The following ELP4 variants were observed in gnomAD, a reference collection of about 807,000 sequenced individuals.
ELP4 encodes the protein elongator complex protein 4.
A neutral mutation model predicts 48.9 loss-of-function variants in ELP4; 51 were observed. The observed-to-expected ratio is 1.04, with a 90% confidence interval of 0.83 to 1.32. ELP4 has a LOEUF of 1.32. ELP4 is among the 40% of genes most tolerant of loss of function. The pLI, the probability that ELP4 is intolerant of heterozygous loss-of-function variation, is 0.00. For missense variants in ELP4, 519 were observed against 514.6 expected (o/e 1.01, Z -0.08); for synonymous variants, 210 against 189.2 (o/e 1.11, Z -0.90).
chr11:31,734,160 A>G (rs1049211488), intron 9 of ELP4, among the ~76,000 whole-genome samples: 19 of 152,344 alleles, frequency 1.2e-4, no homozygotes, highest in African/African-American at 4.6e-4. Flanking sequence ...GTATTTGACA[A>G]AAGTCAGCAC....
intron 9 of ELP4, among the ~76,000 whole-genome samples, chr11:31,665,021 C>G (rs975144353): frequency 4.6e-5 from 7 of 152,110 alleles, no homozygotes; most frequent in African/African-American, 1.7e-4. Context: ...ATCTTTTATG[C>G]TGCCAACCAA....
intron 9 of ELP4, chr11:31,714,924 A>G (rs1022417522): frequency 3.5e-5 from 14 of 397,108 alleles, no homozygotes; most frequent in African/African-American, 6.2e-5. Context: ...CCTTAATTCA[A>G]TCTTTCACCT....
intron 9 of ELP4, among the ~76,000 whole-genome samples, chr11:31,677,462 C>T (rs894447051): frequency 5.9e-5 from 9 of 152,126 alleles, no homozygotes; most frequent in Admixed American, 1.3e-4. Flanking sequence ...AAACTGCCCA[C>T]GCCCACGTAG....
intron 9 of ELP4, chr11:31,662,383 T>C (rs1331790825): frequency 2.6e-6 from 1 of 391,916 alleles, no homozygotes; most frequent in Non-Finnish European, 4.5e-6. Context: ...AAAGCAACTA[T>C]GCCCCTGTTG....
At chr11:31,608,600 G>A (rs1301558902) in intron 5 of ELP4, among the ~76,000 whole-genome samples, 2 of 151,608 alleles carry the variant, frequency 1.3e-5, no homozygotes, top group African/African-American at 2.4e-5. Flanking sequence ...TGGGTGGGGG[G>A]GTCAGGGGCC....
chr11:31,601,048 G>C (rs111268955), intron 4 of ELP4, among the ~76,000 whole-genome samples: 21 of 152,018 alleles, frequency 1.4e-4, no homozygotes, highest in African/African-American at 4.8e-4. Context: ...TAAAACTAAA[G>C]CAACATGTTC....
At chr11:31,712,928 A>G (rs1554972979) in intron 9 of ELP4, among the ~76,000 whole-genome samples, 2 of 152,140 alleles carry the variant, frequency 1.3e-5, no homozygotes, top group African/African-American at 2.4e-5. Context: ...CTGCTCATCT[A>G]TGCCACTAAA....
intron 3 of ELP4, among the ~76,000 whole-genome samples, chr11:31,560,750 A>G (rs1487953915): frequency 6.6e-6 from 1 of 151,234 alleles, no homozygotes; most frequent in Non-Finnish European, 1.5e-5. Flanking sequence ...TTTTGTATAT[A>G]TATACGTACA....
intron 9 of ELP4, among the ~76,000 whole-genome samples, chr11:31,714,359 A>AT (rs1430177154): frequency 5.9e-5 from 9 of 152,278 alleles, no homozygotes; most frequent in Non-Finnish European, 8.8e-5. Flanking sequence ...AAAATTTTTT[A>AT]TTTCTAACCC....
At chr11:31,639,431 A>T (rs972397159) in intron 7 of ELP4, among the ~76,000 whole-genome samples, 1 of 151,814 alleles carries the variant, frequency 6.6e-6, no homozygotes, top group Admixed American at 6.6e-5. Flanking sequence ...TCTACCATAG[A>T]CTTTGGACTT....
At chr11:31,756,823 G>A (rs913828203) in intron 9 of ELP4, among the ~76,000 whole-genome samples, 4 of 152,142 alleles carry the variant, frequency 2.6e-5, no homozygotes, top group African/African-American at 9.7e-5. Context: ...CTGATTATCT[G>A]CTTATCCTTT....
At chr11:31,650,492 G>A (rs1420697332) in intron 9 of ELP4, 6 of 292,520 alleles carry the variant, frequency 2.1e-5, no homozygotes, top group Admixed American at 1.5e-4. Context: ...AATATGATAT[G>A]CATATTTCCA....
chr11:31,543,551 C>T (rs776337271), intron 3 of ELP4, among the ~76,000 whole-genome samples: 36 of 152,106 alleles, frequency 2.4e-4, no homozygotes, highest in Non-Finnish European at 4.3e-4. Context: ...GATCTCCTGA[C>T]CTCATGATCT....
At chr11:31,606,411 CAT>C (rs1451486744) in intron 5 of ELP4, among the ~76,000 whole-genome samples, 1 of 151,992 alleles carries the variant, frequency 6.6e-6, no homozygotes, top group Non-Finnish European at 1.5e-5. Flanking sequence ...GTCCTACTAT[CAT>C]ATGTGAGGAT....
chr11:31,624,452 T>C (rs1944697531), intron 5 of ELP4, among the ~76,000 whole-genome samples: 1 of 151,500 alleles, frequency 6.6e-6, no homozygotes, highest in Non-Finnish European at 1.5e-5. Context: ...TAAAAAGGGG[T>C]ACACCTGTAT....
At chr11:31,586,456 A>T (rs570931522) in intron 3 of ELP4, among the ~76,000 whole-genome samples, 2 of 152,228 alleles carry the variant, frequency 1.3e-5, no homozygotes, top group Non-Finnish European at 2.9e-5. Context: ...TCAAGAATTC[A>T]TGCAGAAAAA....
intron 9 of ELP4, among the ~76,000 whole-genome samples, chr11:31,671,996 G>A (rs1945818466): frequency 6.6e-6 from 1 of 151,982 alleles, no homozygotes; most frequent in Admixed American, 6.6e-5. Flanking sequence ...GCAGGAACTG[G>A]CTTTTGGCTG....
At chr11:31,694,909 T>A (rs2134145570) in intron 9 of ELP4, among the ~76,000 whole-genome samples, 1 of 152,320 alleles carries the variant, frequency 6.6e-6, no homozygotes, top group Middle Eastern at 3.4e-3. Flanking sequence ...GGTATTTTAT[T>A]CTCTTTGAAG....
At position 31,790,143 on chromosome 11, in the gene ELP4, A is replaced by G. The variant is rs1592356807; in HGVS notation, c.*6619A>G. On this transcript the variant is annotated 3_prime_UTR_variant, in exon 10 of 10. Coordinates refer to ENST00000640961, the MANE Select transcript of ELP4 (RefSeq NM_019040.5). ...AAACTAATACTTTCTAACATTTTTT[A>G]CTGTATTAAAATCACTTCAATTGTT... 2.8e-6 allele frequency: 2 copies of G among 710,880 alleles called. No individual in the cohort carries two copies. Among genetic ancestry groups the G allele is most frequent in the Non-Finnish European group, 4.7e-6 (2 of 424,404 alleles). 44.0% of individuals were successfully genotyped at this position (710,880 alleles called of 1,614,324 possible). A position where few individuals can be genotyped will look rare whatever the true frequency, so the allele number is the denominator to read the frequency against.
Sources: gnomAD v4.1 joint callset for allele counts (sites outside exome capture counted in the v4.1 genomes callset) on GRCh38, gnomAD v4.1.1 for gene constraint, MANE v1.5 for transcripts, NCBI Gene and HGNC (gene_info 2026-07-23, HGNC 2026-07-21) for gene names.